Variants in STXBP6 observed in about 807,000 individuals in gnomAD.
The protein encoded by STXBP6 is syntaxin-binding protein 6.
A neutral mutation model predicts 26.9 loss-of-function variants in STXBP6; 21 were observed. The ratio of observed to expected loss-of-function variants is 0.78; its 90% confidence interval spans 0.55 to 1.12. STXBP6 has a LOEUF of 1.12. STXBP6 is among the 50% of genes most tolerant of loss of function. The pLI is 0.00. For synonymous variants in STXBP6, 97 were observed against 92.6 expected, an observed-to-expected ratio of 1.05 and a Z score of -0.27; for missense variants, 232 against 257.9, an observed-to-expected ratio of 0.90 and a Z score of 0.69.
In STXBP6 at chr14:24,810,016, A is replaced by G. The variant is rs2067776217; in HGVS notation, c.*2693T>C. 6.6e-6 allele frequency: 1 copy of G among 152,226 alleles called. No individual in the cohort carries two copies. 9.4% of individuals were successfully genotyped at this position (152,226 alleles called of 1,614,324 possible). On this transcript the variant is annotated 3_prime_UTR_variant, in exon 6 of 6. Transcript: ENST00000323944. ...ACTACTGATCATGTTACATTTTACA[A>G]ATACATTCTTTAATATGAAACATTA... is the stretch of plus-strand genomic sequence containing the variant.
Position 24,992,131 on chromosome 14 carries a change from A to G in STXBP6, c.-32-17281T>C, listed in dbSNP as rs565698551. On this transcript the variant is annotated intron_variant, in intron 1 of 5. Transcript: ENST00000323944. ...AACCCCAGCACCTAGCACAATAGCT[A>G]GGAAATAGCTCCATATTATGGAGCT... Among the ~76,000 whole-genome samples the G allele has an allele frequency of 2.0e-5, 3 of 152,356 alleles. No individual in the cohort carries two copies. In the South Asian group the frequency reaches 6.2e-4, roughly 32 times the overall value.
At chr14:24,916,229 T>G (rs796515824) in intron 2 of STXBP6, among the ~76,000 whole-genome samples, 1 of 152,128 alleles carries the variant, frequency 6.6e-6, no homozygotes, top group Admixed American at 6.6e-5. Flanking sequence ...AGAATGTAAC[T>G]GGGCTTAAAG....
At chr14:25,001,885 A>C (rs946276988) in intron 1 of STXBP6, among the ~76,000 whole-genome samples, 1 of 152,248 alleles carries the variant, frequency 6.6e-6, no homozygotes, top group Non-Finnish European at 1.5e-5. Flanking sequence ...AGACGATAGC[A>C]TTATCTTCTA....
intron 2 of STXBP6, among the ~76,000 whole-genome samples, chr14:24,965,783 G>T (rs139490739): frequency 7.9e-4 from 121 of 152,224 alleles, no homozygotes; most frequent in African/African-American, 2.3e-3. Flanking sequence ...TTCTTCCAGG[G>T]AGCAACAGGT....
At chr14:24,913,100 G>A (rs933664927) in intron 2 of STXBP6, among the ~76,000 whole-genome samples, 3 of 152,104 alleles carry the variant, frequency 2.0e-5, no homozygotes, top group Non-Finnish European at 4.4e-5. Context: ...TCATCAAATG[G>A]TATGAAACTC....
intron 2 of STXBP6, among the ~76,000 whole-genome samples, chr14:24,876,545 T>A (rs368009726): frequency 4.1e-4 from 63 of 152,274 alleles, no homozygotes; most frequent in African/African-American, 1.4e-3. Flanking sequence ...CACATTAGTA[T>A]GGGGCAGCAC....
chr14:24,825,097 A>G (rs2068243797), intron 4 of STXBP6, among the ~76,000 whole-genome samples: 1 of 152,176 alleles, frequency 6.6e-6, no homozygotes, highest in African/African-American at 2.4e-5. Flanking sequence ...CGTTAATGTA[A>G]ACTGAATGAA....
chr14:25,020,130 A>C (rs2075235274), intron 1 of STXBP6, among the ~76,000 whole-genome samples: 1 of 152,176 alleles, frequency 6.6e-6, no homozygotes, highest in East Asian at 1.9e-4. Flanking sequence ...CAAGGGATTC[A>C]GTTAAACTTG....
At chr14:25,045,854 C>T (rs1361048921) in intron 1 of STXBP6, among the ~76,000 whole-genome samples, 5 of 151,870 alleles carry the variant, frequency 3.3e-5, no homozygotes, top group East Asian at 1.9e-4. Context: ...GTGATCCACC[C>T]GCCTCAGCCT....
intron 2 of STXBP6, among the ~76,000 whole-genome samples, chr14:24,869,691 C>T (rs116857365): frequency 0.013 from 1,904 of 152,224 alleles, 18 homozygotes; most frequent in South Asian, 0.024. Context: ...TCTCAAAACT[C>T]GGCTGGTCAT....
intron 1 of STXBP6, among the ~76,000 whole-genome samples, chr14:24,988,328 G>C (rs1595261045): frequency 6.6e-6 from 1 of 152,152 alleles, no homozygotes; most frequent in Non-Finnish European, 1.5e-5. Context: ...TAGGCTTGGA[G>C]ATCACAGGCA....
chr14:24,991,469 T>C (rs181662669), intron 1 of STXBP6, among the ~76,000 whole-genome samples: 4 of 152,292 alleles, frequency 2.6e-5, no homozygotes, highest in Admixed American at 1.3e-4. Flanking sequence ...GAATGTGTAA[T>C]ATGATGTTGT....
chr14:24,934,529 A>G (rs1394164883), intron 2 of STXBP6, among the ~76,000 whole-genome samples: 1 of 152,210 alleles, frequency 6.6e-6, no homozygotes, highest in Admixed American at 6.5e-5. Context: ...AAAGGATAAC[A>G]GACATTCCAT....
At chr14:24,969,751 T>C (rs906868023) in intron 2 of STXBP6, among the ~76,000 whole-genome samples, 7 of 152,152 alleles carry the variant, frequency 4.6e-5, no homozygotes, top group African/African-American at 1.7e-4. Flanking sequence ...AAAATAAAGA[T>C]TTTGTATGTA....
At chr14:24,988,582 A>G (rs560825110) in intron 1 of STXBP6, among the ~76,000 whole-genome samples, 36 of 152,354 alleles carry the variant, frequency 2.4e-4, no homozygotes, top group Non-Finnish European at 4.4e-4. Flanking sequence ...ATCTGCTTCA[A>G]GAAAAAGCCA....
intron 1 of STXBP6, among the ~76,000 whole-genome samples, chr14:25,026,556 C>T (rs1437760514): frequency 3.3e-5 from 5 of 152,198 alleles, no homozygotes; most frequent in Admixed American, 1.3e-4. Flanking sequence ...AATAGACTCA[C>T]ATTTGTTCAA....
intron 4 of STXBP6, among the ~76,000 whole-genome samples, chr14:24,851,947 A>C (rs576157619): frequency 7.9e-5 from 12 of 152,266 alleles, no homozygotes; most frequent in East Asian, 3.9e-4. Flanking sequence ...TGGAACCCCC[A>C]AAAACACTTT....
chr14:24,943,887 T>C (rs2072890394), intron 2 of STXBP6, among the ~76,000 whole-genome samples: 1 of 152,274 alleles, frequency 6.6e-6, no homozygotes, highest in African/African-American at 2.4e-5. Context: ...AAGGGTAATT[T>C]GGTGATTTGA....
intron 1 of STXBP6, among the ~76,000 whole-genome samples, chr14:24,990,043 A>G (rs2074426671): frequency 1.3e-5 from 2 of 152,334 alleles, no homozygotes; most frequent in African/African-American, 4.8e-5. Context: ...ACAGTCAGCA[A>G]GAGCTGACTA....
Sources: gnomAD v4.1 joint callset for allele counts (sites outside exome capture counted in the v4.1 genomes callset) on GRCh38, gnomAD v4.1.1 for gene constraint, MANE v1.5 for transcripts, NCBI Gene and HGNC (gene_info 2026-07-23, HGNC 2026-07-21) for gene names.